The following FAM13B variants were observed in gnomAD, a reference collection of about 807,000 sequenced individuals.
FAM13B encodes the protein protein FAM13B.
Under a neutral mutation model 117.3 loss-of-function variants are expected in FAM13B, and 60 were observed. The ratio of observed to expected loss-of-function variants is 0.51; its 90% CI spans 0.42 to 0.63. FAM13B has a LOEUF of 0.63. Among genes scored for constraint, FAM13B ranks in the 30% least tolerant of loss-of-function variants. The pLI, the probability that FAM13B is intolerant of heterozygous loss-of-function variation, is 0.00. For missense variants in FAM13B, 972 were observed against 1,091.9 expected, an observed-to-expected ratio of 0.89 and a Z score of 1.55; for synonymous variants, 332 against 356.1, an observed-to-expected ratio of 0.93 and a Z score of 0.76.
intron 2 of FAM13B, among the ~76,000 whole-genome samples, chr5:138,019,478 C>A (rs1282503332): frequency 6.6e-6 from 1 of 152,184 alleles, no homozygotes; most frequent in Non-Finnish European, 1.5e-5. Flanking sequence ...CTTTACTGAA[C>A]AAGCTTATTA....
Position 138,011,840 on chromosome 5 carries a change from T to A in FAM13B, c.476A>T (p.Asn159Ile), listed in dbSNP as rs772213036. The A allele has an allele frequency of 4.3e-6, 7 of 1,610,552 alleles. 1 individual carries two copies. In the South Asian group the frequency reaches 7.7e-5, roughly 18 times the overall value. ...LLKFLCRFLA[N>I]VASHHEEIWS... ...AATTTCTTCATGATGTGATGCTACATTGGCTAAAAATCTACACAGAAACTT... is the reference window on the plus strand; with the variant it reads ...AATTTCTTCATGATGTGATGCTACAATGGCTAAAAATCTACACAGAAACTT... Residue 159 changes from asparagine (N) to isoleucine (I), a missense_variant, in exon 5 of 24, where the codon AAT becomes ATT. By Grantham distance (149) the Asn-to-Ile change is moderately radical. Coordinates refer to ENST00000689681, the MANE Select transcript of FAM13B (RefSeq NM_001385994.1).
intron 11 of FAM13B, among the ~76,000 whole-genome samples, chr5:137,961,151 T>TA (rs1240520679): frequency 6.6e-6 from 1 of 152,134 alleles, no homozygotes; most frequent in African/African-American, 2.4e-5. Context: ...GTAGGATGAG[T>TA]AATTACTACC....
chr5:138,023,343 T>C (rs1303600906), intron 1 of FAM13B, among the ~76,000 whole-genome samples: 1 of 152,192 alleles, frequency 6.6e-6, no homozygotes, highest in African/African-American at 2.4e-5. Context: ...AGTTATGATA[T>C]GCCAGGCAGT....
intron 2 of FAM13B, chr5:138,020,066 T>C: frequency 1.1e-6 from 1 of 905,018 alleles, no homozygotes; most frequent in Non-Finnish European, 1.3e-6. Context: ...CTGTTATTTC[T>C]TTTTATTTTT....
chr5:137,985,411 C>G, intron 9 of FAM13B, 22 bp from the exon 10 acceptor site: 1 of 1,610,872 alleles, frequency 6.2e-7, no homozygotes, highest in Non-Finnish European at 8.5e-7. Context: ...GTTTAAAAAT[C>G]AGATCAGGCC....
At chr5:137,971,204 G>C (rs376372028) in intron 10 of FAM13B, among the ~76,000 whole-genome samples, 1,705 of 150,576 alleles carry the variant, frequency 0.011, 28 homozygotes, top group African/African-American at 0.039. Flanking sequence ...TGACCACATA[G>C]TTGGAAGTAA....
intron 7 of FAM13B, among the ~76,000 whole-genome samples, chr5:137,990,738 T>G (rs1253248266): frequency 6.6e-6 from 1 of 152,110 alleles, no homozygotes; most frequent in Non-Finnish European, 1.5e-5. Context: ...GAGGATCACT[T>G]GAGCCCAGGA....
At chr5:137,960,968 T>C (rs1196040464) in intron 11 of FAM13B, among the ~76,000 whole-genome samples, 1 of 152,186 alleles carries the variant, frequency 6.6e-6, no homozygotes, top group African/African-American at 2.4e-5. Context: ...CACATCGAGA[T>C]GTCACTTCTA....
intron 10 of FAM13B, among the ~76,000 whole-genome samples, chr5:137,963,771 T>G (rs995485512): frequency 3.9e-5 from 6 of 152,190 alleles, no homozygotes; most frequent in African/African-American, 1.4e-4. Flanking sequence ...ATATGAGTGC[T>G]GGCATTAGAT....
At chr5:137,995,711 A>T (rs1218065520) in intron 7 of FAM13B, among the ~76,000 whole-genome samples, 1 of 152,216 alleles carries the variant, frequency 6.6e-6, no homozygotes, top group Non-Finnish European at 1.5e-5. Flanking sequence ...GTATATCAAA[A>T]GATTTCTCAC....
chr5:137,992,949 T>C (rs1024297280), intron 7 of FAM13B, among the ~76,000 whole-genome samples: 11 of 151,938 alleles, frequency 7.2e-5, no homozygotes, highest in Non-Finnish European at 1.3e-4. Context: ...AATTGAATTG[T>C]CCACCAACAG....
chr5:138,043,104 A>G (rs932957416), intron 1 of FAM13B, among the ~76,000 whole-genome samples: 29 of 152,286 alleles, frequency 1.9e-4, no homozygotes, highest in African/African-American at 6.3e-4. Flanking sequence ...ATAAAAAAGA[A>G]CAACAACAAA....
At chr5:137,990,378 A>G (rs1305105583) in intron 7 of FAM13B, among the ~76,000 whole-genome samples, 3 of 152,214 alleles carry the variant, frequency 2.0e-5, no homozygotes, top group Non-Finnish European at 4.4e-5. Flanking sequence ...TTTATCTTAT[A>G]CCAAATCCTG....
At chr5:137,976,518 T>A (rs1774053581) in intron 10 of FAM13B, among the ~76,000 whole-genome samples, 1 of 152,146 alleles carries the variant, frequency 6.6e-6, no homozygotes, top group Admixed American at 6.5e-5. Context: ...AAATCATCCA[T>A]AACCTATCAG....
chr5:137,975,958 C>T (rs915079362), intron 10 of FAM13B, among the ~76,000 whole-genome samples: 5 of 145,180 alleles, frequency 3.4e-5, no homozygotes, highest in African/African-American at 7.6e-5. Context: ...ATCTCTTCCA[C>T]AACCAGACTG....
At chr5:137,952,585 AT>A in intron 17 of FAM13B, 42 bp downstream of exon 17, 2 of 1,326,080 alleles carry the variant, frequency 1.5e-6, no homozygotes, top group Middle Eastern at 2.0e-4. Context: ...ATATAAAAAA[AT>A]TTTTAAAATG....
rs189457848 is a variant in FAM13B at position 137,974,761 on chromosome 5, G to T, written c.1179+10496C>A. 2.0e-3 allele frequency among the ~76,000 whole-genome samples: 296 copies of T among 150,282 alleles called. 3 individuals are homozygous for T. Among genetic ancestry groups the T allele is most frequent in the Non-Finnish European group, 2.4e-3 (165 of 67,728 alleles). On this transcript the variant is annotated intron_variant, in intron 10 of 23. Coordinates refer to ENST00000689681, the MANE Select transcript of FAM13B (RefSeq NM_001385994.1). ...CATTATCTTTTATGTCTAAAATGTTGATCTCCTTACAATATTCTAGCCCAG... is the reference window on the plus strand; with the variant it reads ...CATTATCTTTTATGTCTAAAATGTTTATCTCCTTACAATATTCTAGCCCAG...
chr5:138,048,943 T>TC lies in FAM13B; in HGVS notation c.-203+2934_-203+2935insG, dbSNP rs1176759159. Among the ~76,000 whole-genome samples, 251 of 148,280 alleles carry TC rather than the reference T, an allele frequency of 1.7e-3. 1 individual carries two copies. The highest frequency in any genetic ancestry group is 5.6e-3 in the African/African-American group (227 of 40,610). ...AGGACATTAGAGTGATACATTTCTT[T>TC]TTTTTTTTTTTTTTTTTTAAGGCGA... is the stretch of plus-strand genomic sequence containing the variant. On this transcript the variant is annotated intron_variant, in intron 1 of 3. Coordinates refer to the FAM13B transcript ENST00000502471.
chr5:137,966,193 T>C (rs1281722497), intron 10 of FAM13B, among the ~76,000 whole-genome samples: 2 of 150,840 alleles, frequency 1.3e-5, no homozygotes, highest in Non-Finnish European at 2.9e-5. Flanking sequence ...TCCCAGCACT[T>C]TGGGAGGCTG....
Sources: allele counts gnomAD v4.1 joint callset (sites outside exome capture counted in the v4.1 genomes callset), GRCh38; gene constraint gnomAD v4.1.1; transcripts MANE v1.5; gene names NCBI Gene and HGNC (gene_info 2026-07-23, HGNC 2026-07-21).